The following NRXN3 variants were observed in gnomAD, a reference collection of about 807,000 sequenced individuals.
NRXN3 encodes neurexin 3, also known as neurexin III.
Under a neutral mutation model 137.6 loss-of-function variants are expected in NRXN3, and 32 were observed. The ratio of observed to expected loss-of-function variants is 0.23; its 90% CI spans 0.18 to 0.31. The LOEUF is 0.31. NRXN3 is among the 10% of genes least tolerant of loss of function. The pLI is 1.00. For synonymous variants in NRXN3, 798 were observed against 784.5 expected (o/e 1.02, Z -0.29); for missense variants, 1,574 against 2,062.5 (o/e 0.76, Z 4.59).
At chr14:78,530,702 A>C (rs533307989) in intron 4 of NRXN3, among the ~76,000 whole-genome samples, 10 of 152,342 alleles carry the variant, frequency 6.6e-5, no homozygotes, top group African/African-American at 2.2e-4. Context: ...AAGAATTACA[A>C]AAGCAGGTAA....
rs572909219 is a variant in NRXN3 at position 78,327,982 on chromosome 14, C to CTA, written c.757+30123_757+30124dup. On this transcript the variant is annotated intron_variant, in intron 4 of 20. Transcript: ENST00000335750. ...ACAATGTGTATGGGCTGCAAAATGG[C>CTA]TAGTGCTTTTCCTCTATCCTCCAAA... is the stretch of plus-strand genomic sequence containing the variant. Among the ~76,000 whole-genome samples, 120 of 152,254 alleles carry CTA rather than the reference C, an allele frequency of 7.9e-4. 1 individual carries two copies. Among genetic ancestry groups the CTA allele is most frequent in the South Asian group, 7.0e-3 (34 of 4,824 alleles).
At chr14:79,540,699 A>G (rs1470386935) in intron 16 of NRXN3, among the ~76,000 whole-genome samples, 1 of 152,210 alleles carries the variant, frequency 6.6e-6, no homozygotes, top group African/African-American at 2.4e-5. Context: ...GGACATGTAA[A>G]TAAGATTGAG....
chr14:79,611,326 A>C (rs545623930), intron 16 of NRXN3: 1 of 152,384 alleles, frequency 6.6e-6, no homozygotes, highest in Admixed American at 6.5e-5. Flanking sequence ...ATTTAAAAAG[A>C]TTTAATGTTG....
intron 1 of NRXN3, among the ~76,000 whole-genome samples, chr14:78,211,775 A>C (rs1371922291): frequency 1.3e-5 from 2 of 152,230 alleles, no homozygotes; most frequent in African/African-American, 4.8e-5. Context: ...GGGAGGGCAG[A>C]CAGGGTCAGA....
At chr14:78,333,249 G>A (rs1457606945) in intron 4 of NRXN3, among the ~76,000 whole-genome samples, 1 of 152,162 alleles carries the variant, frequency 6.6e-6, no homozygotes, top group Non-Finnish European at 1.5e-5. Context: ...GTAGGGTAAA[G>A]GAATTATTGG....
At chr14:79,357,455 T>G (rs890883334) in intron 15 of NRXN3, among the ~76,000 whole-genome samples, 4 of 152,192 alleles carry the variant, frequency 2.6e-5, no homozygotes, top group African/African-American at 9.7e-5. Flanking sequence ...TGGCCAATCA[T>G]TTAAGTTTTC....
Position 79,862,116 on chromosome 14 carries a change from A to G in NRXN3, c.*152A>G. 1.5e-6 allele frequency: 1 copy of G among 650,522 alleles called. No individual in the cohort carries two copies. The highest frequency in any genetic ancestry group is 2.6e-6 in the Non-Finnish European group (1 of 377,842). 40.3% of individuals were successfully genotyped at this position (650,522 alleles called of 1,614,324 possible). A position where few individuals can be genotyped will look rare whatever the true frequency, so the allele number is the denominator to read the frequency against. ...CTCTGGTGGGGAAAACCGTTTTTTA[A>G]AGGACACACACACACACAGCGATGC... On this transcript the variant is annotated 3_prime_UTR_variant, in exon 21 of 21. Transcript: ENST00000335750.
intron 10 of NRXN3, among the ~76,000 whole-genome samples, chr14:78,827,271 G>GA (rs11462484): frequency 0.71 from 100,919 of 142,142 alleles, 38,419 homozygotes; most frequent in Non-Finnish European, 0.85. Flanking sequence ...TGAGAGGACC[G>GA]AAAAAAAAAA....
chr14:78,891,571 A>T (rs2099159125), intron 10 of NRXN3, among the ~76,000 whole-genome samples: 1 of 151,980 alleles, frequency 6.6e-6, no homozygotes, highest in South Asian at 2.1e-4. Context: ...GGGTTAACTG[A>T]CAATTCAGAC....
intron 1 of NRXN3, among the ~76,000 whole-genome samples, chr14:78,208,102 C>A (rs533888392): frequency 6.6e-6 from 1 of 151,950 alleles, no homozygotes; most frequent in African/African-American, 2.4e-5. Flanking sequence ...ATAAAATGGG[C>A]GATAATATTA....
At chr14:79,856,975 G>A (rs2099403960) in intron 20 of NRXN3, among the ~76,000 whole-genome samples, 2 of 152,272 alleles carry the variant, frequency 1.3e-5, no homozygotes, top group Non-Finnish European at 2.9e-5. Flanking sequence ...TCTGGGGATA[G>A]CATAGGAAAT....
intron 3 of NRXN3, chr14:78,282,173 A>G (rs1173315523): frequency 1.2e-5 from 6 of 496,286 alleles, no homozygotes; most frequent in Non-Finnish European, 2.4e-5. Context: ...ATGCTTTTGT[A>G]CATTGGGATT....
intron 8 of NRXN3, among the ~76,000 whole-genome samples, chr14:78,775,615 G>C (rs766214211): frequency 4.6e-5 from 7 of 152,190 alleles, no homozygotes; most frequent in Non-Finnish European, 8.8e-5. Flanking sequence ...TTGTGAGATA[G>C]GGTGGCCTGA....
At chr14:79,796,640 G>C (rs1277115072) in intron 19 of NRXN3, among the ~76,000 whole-genome samples, 3 of 152,172 alleles carry the variant, frequency 2.0e-5, no homozygotes. Flanking sequence ...GCTTAGCTTG[G>C]TTTTTCTACT....
chr14:79,422,987 C>T (rs769937523), intron 15 of NRXN3, among the ~76,000 whole-genome samples: 8 of 152,074 alleles, frequency 5.3e-5, no homozygotes, highest in South Asian at 2.1e-4. Flanking sequence ...CATGGGTCAC[C>T]GCGCCCGGCC....
chr14:78,428,660 T>C (rs1018589021), intron 4 of NRXN3, among the ~76,000 whole-genome samples: 3 of 152,118 alleles, frequency 2.0e-5, no homozygotes, highest in African/African-American at 7.2e-5. Flanking sequence ...GTTGGCAAGC[T>C]GGAGACCCAG....
chr14:78,575,019 A>T (rs1409273576), intron 4 of NRXN3, among the ~76,000 whole-genome samples: 1 of 152,152 alleles, frequency 6.6e-6, no homozygotes, highest in Non-Finnish European at 1.5e-5. Context: ...GGTTTCTGCC[A>T]TGCTGTTTTC....
At chr14:79,665,834 A>G (rs1441484572) in intron 17 of NRXN3, among the ~76,000 whole-genome samples, 2 of 152,114 alleles carry the variant, frequency 1.3e-5, no homozygotes, top group Non-Finnish European at 2.9e-5. Flanking sequence ...GTTGCTTCCT[A>G]TATGTTTTCA....
At chr14:79,784,757 G>A (rs1004005217) in intron 19 of NRXN3, among the ~76,000 whole-genome samples, 4 of 151,370 alleles carry the variant, frequency 2.6e-5, no homozygotes, top group African/African-American at 9.7e-5. Flanking sequence ...CTATCGGGCT[G>A]TTAAAATTAA....
Sources: gnomAD v4.1 joint callset for allele counts (sites outside exome capture counted in the v4.1 genomes callset) on GRCh38, gnomAD v4.1.1 for gene constraint, MANE v1.5 for transcripts, NCBI Gene and HGNC (gene_info 2026-07-23, HGNC 2026-07-21) for gene names.